The following DESI2 variants were observed in gnomAD, a reference collection of about 807,000 sequenced individuals.
DESI2 encodes the protein deubiquitinase DESI2.
DESI2 carries 10 observed loss-of-function variants against 24.1 expected under a neutral mutation model. The observed-to-expected ratio is 0.41, with a 90% CI of 0.26 to 0.70. DESI2 has a LOEUF of 0.70. Ranked by LOEUF, DESI2 falls within the 30% of genes least tolerant of loss-of-function variation. The probability of loss-of-function intolerance (pLI) is 0.29; values close to 1 mark genes in which losing one functional copy is unlikely to be tolerated. For synonymous variants in DESI2, 71 were observed against 87.7 expected (o/e 0.81, Z 1.06); for missense variants, 122 against 234.9 (o/e 0.52, Z 3.14).
At chr1:244,661,458 G>T (rs1189773130) in intron 1 of DESI2, among the ~76,000 whole-genome samples, 1 of 151,898 alleles carries the variant, frequency 6.6e-6, no homozygotes, top group Non-Finnish European at 1.5e-5. Context: ...TGTGCACAAT[G>T]TGCAGGTTTG....
chr1:244,706,551 T>G lies in DESI2; in HGVS notation c.*762T>G, dbSNP rs943820999. ...CGTTCAAGATATTCTTGGTAGTAAC[T>G]GACAAGTATGTTGCACATGTATTGG... On this transcript the variant is annotated 3_prime_UTR_variant, in exon 5 of 5. Transcript: ENST00000302550. The G allele has an allele frequency of 1.3e-5, 2 of 152,682 alleles. No homozygotes were observed. The highest frequency in any genetic ancestry group is 4.8e-5 in the African/African-American group (2 of 41,460). 9.5% of individuals were successfully genotyped at this position (152,682 alleles called of 1,614,324 possible). A position where few individuals can be genotyped will look rare whatever the true frequency, so the allele number is the denominator to read the frequency against.
intron 4 of DESI2, among the ~76,000 whole-genome samples, chr1:244,697,704 G>A (rs549228056): frequency 2.0e-4 from 30 of 152,226 alleles, no homozygotes; most frequent in Non-Finnish European, 4.1e-4. Context: ...GCTGGTTACA[G>A]TGAGGAGAAA....
intron 4 of DESI2, among the ~76,000 whole-genome samples, chr1:244,701,210 C>G (rs866590954): frequency 0.06 from 1,764 of 29,472 alleles, 263 homozygotes; most frequent in African/African-American, 0.25. Context: ...ACCACCTTCC[C>G]CTCCACCCCC....
intron 1 of DESI2, among the ~76,000 whole-genome samples, chr1:244,662,658 A>T (rs962971109): frequency 2.6e-5 from 4 of 152,216 alleles, no homozygotes; most frequent in African/African-American, 7.2e-5. Flanking sequence ...GCTAAAGAGG[A>T]AAGTAAAGCA....
At position 244,686,684 on chromosome 1, in the gene DESI2, A is replaced by T. The variant is rs767526968; in HGVS notation, c.115+15A>T. The T allele has an allele frequency of 6.5e-7, 1 of 1,528,746 alleles. No homozygotes were observed. The highest frequency in any genetic ancestry group is 1.1e-5 in the South Asian group (1 of 89,246). The allele number at this position is 1,528,746 out of a possible 1,614,324, so 94.7% of individuals were successfully genotyped here. On this transcript the variant is annotated intron_variant, in intron 2 of 4. Coordinates refer to ENST00000302550, the MANE Select transcript of DESI2 (RefSeq NM_016076.5). Reference sequence around the variant, plus strand: ...CTATGGCAGAGGTACGTGTACACACAGTCTAAATATACTCTCTGAAGATTT... The same window carrying T: ...CTATGGCAGAGGTACGTGTACACACTGTCTAAATATACTCTCTGAAGATTT...
intron 4 of DESI2, among the ~76,000 whole-genome samples, chr1:244,700,098 T>C (rs1677386992): frequency 6.6e-6 from 1 of 152,238 alleles, no homozygotes; most frequent in Non-Finnish European, 1.5e-5. Flanking sequence ...TGTTTTCCTC[T>C]ACACTTTACC....
chr1:244,694,509 C>T (rs1373747928), intron 4 of DESI2: 4 of 770,568 alleles, frequency 5.2e-6, no homozygotes, highest in South Asian at 1.3e-5. Context: ...CCTGAATCTG[C>T]GGTCTACAAT....
chr1:244,699,089 G>A (rs1237959583), intron 4 of DESI2, among the ~76,000 whole-genome samples: 1 of 152,140 alleles, frequency 6.6e-6, no homozygotes, highest in Non-Finnish European at 1.5e-5. Context: ...TTCTACTGGT[G>A]CACACACCTT....
chr1:244,706,704 A>G lies in DESI2; in HGVS notation c.*915A>G, dbSNP rs565281082. On this transcript the variant is annotated 3_prime_UTR_variant, in exon 5 of 5. Transcript: ENST00000302550. ...AGTTGACATTCAGCTGCTTTTAACT[A>G]TTCAGGCTACCTTTTATACTAAACC... The G allele has an allele frequency of 6.5e-6, 1 of 152,694 alleles. No homozygotes were observed. Among genetic ancestry groups the G allele is most frequent in the South Asian group, 2.1e-4 (1 of 4,834 alleles). 9.5% of individuals were successfully genotyped at this position (152,694 alleles called of 1,614,324 possible). A position where few individuals can be genotyped will look rare whatever the true frequency, so the allele number is the denominator to read the frequency against.
intron 1 of DESI2, among the ~76,000 whole-genome samples, chr1:244,664,012 C>A (rs558425914): frequency 8.4e-6 from 1 of 118,834 alleles, no homozygotes; most frequent in Non-Finnish European, 1.7e-5. Flanking sequence ...AGTGAGACTC[C>A]GTCTCAGGAA....
Position 244,707,918 on chromosome 1 carries a change from G to A in DESI2, c.*2129G>A, listed in dbSNP as rs1238582978. The A allele has an allele frequency of 6.6e-6, 1 of 152,174 alleles. No homozygotes were observed. Among genetic ancestry groups the A allele is most frequent in the Non-Finnish European group, 1.5e-5 (1 of 68,030 alleles). 9.4% of individuals were successfully genotyped at this position (152,174 alleles called of 1,614,324 possible). ...GGTTCTAGTAGAAATAGTGTCCTAA[G>A]GCCAATTACCTACCATACTAACAAT... On this transcript the variant is annotated 3_prime_UTR_variant, in exon 5 of 5. Coordinates refer to ENST00000302550, the MANE Select transcript of DESI2 (RefSeq NM_016076.5).
chr1:244,661,539 C>G (rs1447446347), intron 1 of DESI2, among the ~76,000 whole-genome samples: 6 of 152,126 alleles, frequency 3.9e-5, no homozygotes, highest in African/African-American at 1.2e-4. Flanking sequence ...AGGTATATCT[C>G]CTAATGCTAT....
Position 244,707,593 on chromosome 1 carries a change from T to G in DESI2, c.*1804T>G, listed in dbSNP as rs143823518. On this transcript the variant is annotated 3_prime_UTR_variant, in exon 5 of 5. Coordinates refer to ENST00000302550, the MANE Select transcript of DESI2 (RefSeq NM_016076.5). ...TGTTCACTAAAAAGAGAGAGTCCTG[T>G]CCCCAGACGGTTAGTACAAAGCCTT... 23 of 152,518 alleles carry G rather than the reference T, an allele frequency of 1.5e-4. No individual in the cohort carries two copies. Among genetic ancestry groups the G allele is most frequent in the African/African-American group, 5.5e-4 (23 of 41,572 alleles). The allele number at this position is 152,518 out of a possible 1,614,324, so 9.4% of individuals were successfully genotyped here. A position where few individuals can be genotyped will look rare whatever the true frequency, so the allele number is the denominator to read the frequency against.
intron 1 of DESI2, among the ~76,000 whole-genome samples, chr1:244,669,395 C>G (rs1298657711): frequency 6.6e-6 from 1 of 151,974 alleles, no homozygotes; most frequent in African/African-American, 2.4e-5. Flanking sequence ...AGAAACTAGA[C>G]TGGCCAGTTG....
intron 4 of DESI2, among the ~76,000 whole-genome samples, chr1:244,700,994 A>G (rs1386064657): frequency 6.6e-6 from 1 of 152,194 alleles, no homozygotes; most frequent in Non-Finnish European, 1.5e-5. Context: ...GAGATTTCCA[A>G]GCAAAGTGTA....
chr1:244,693,256 C>T (rs7512937), intron 4 of DESI2, among the ~76,000 whole-genome samples: 36,938 of 152,038 alleles, frequency 0.24, 4,514 homozygotes, highest in South Asian at 0.33. Flanking sequence ...TCTAATTCAT[C>T]CTGTCCTTCA....
chr1:244,688,106 TTAG>T (rs1676886101), intron 2 of DESI2, among the ~76,000 whole-genome samples: 1 of 152,312 alleles, frequency 6.6e-6, no homozygotes, highest in African/African-American at 2.4e-5. Context: ...ATAAAATTAT[TTAG>T]TAATAATTAG....
chr1:244,684,096 T>C lies in DESI2; in HGVS notation c.43-2501T>C, dbSNP rs1573210052. 7.2e-5 allele frequency among the ~76,000 whole-genome samples: 11 copies of C among 152,290 alleles called. No individual in the cohort carries two copies. The South Asian group carries it at 2.3e-3, about 32-fold the overall frequency. On this transcript the variant is annotated intron_variant, in intron 1 of 4. Coordinates refer to ENST00000302550, the MANE Select transcript of DESI2 (RefSeq NM_016076.5). ...ACCCTATAAATGAACATTTAGGCTGTTGTCAACATTTTACTAACATAAATA... is the reference window on the plus strand; with the variant it reads ...ACCCTATAAATGAACATTTAGGCTGCTGTCAACATTTTACTAACATAAATA...
Position 244,689,405 on chromosome 1 carries a change from C to T in DESI2, c.209+63C>T, listed in dbSNP as rs928781828. Reference sequence around the variant, plus strand: ...GTGCCATAGCTTGTTTTCAGGTATACAGAATTCATTCTGTAAATCAAAACA... The same window carrying T: ...GTGCCATAGCTTGTTTTCAGGTATATAGAATTCATTCTGTAAATCAAAACA... On this transcript the variant is annotated intron_variant, in intron 3 of 4. Transcript: ENST00000302550. This position sits in a 1 kb window ranked among gnomAD's most constrained non-coding sequence, Gnocchi z 4.0. The T allele has an allele frequency of 2.6e-6, 2 of 770,030 alleles. No individual in the cohort carries two copies. Among genetic ancestry groups the T allele is most frequent in the African/African-American group, 1.8e-5 (1 of 56,846 alleles). The allele number at this position is 770,030 out of a possible 1,614,324, so 47.7% of individuals were successfully genotyped here.
Sources: gnomAD v4.1 joint callset for allele counts (sites outside exome capture counted in the v4.1 genomes callset) on GRCh38, gnomAD v4.1.1 for gene constraint, Gnocchi (gnomAD v3.1) non-coding constraint, MANE v1.5 for transcripts, NCBI Gene and HGNC (gene_info 2026-07-23, HGNC 2026-07-21) for gene names.